PDSS2: variants seen among roughly 807,000 people sequenced by gnomAD.
PDSS2 encodes decaprenyl diphosphate synthase subunit 2, also known as all trans-polyprenyl-diphosphate synthase PDSS2.
In PDSS2, 31 loss-of-function variants were observed where a neutral mutation model predicts 44.5. The ratio of observed to expected loss-of-function variants is 0.70; its 90% CI spans 0.52 to 0.94. The LOEUF (loss-of-function observed/expected upper bound fraction) is 0.94. Ranked by LOEUF, PDSS2 falls within the 40% of genes least tolerant of loss-of-function variation. The probability of loss-of-function intolerance (pLI) is 0.00; values close to 1 mark genes in which losing one functional copy is unlikely to be tolerated. For synonymous variants in PDSS2, 157 were observed against 180.3 expected (o/e 0.87, Z 1.03); for missense variants, 452 against 482.2 (o/e 0.94, Z 0.59).
chr6:107,286,228 C>T (rs1776146085), intron 2 of PDSS2, among the ~76,000 whole-genome samples: 1 of 151,776 alleles, frequency 6.6e-6, no homozygotes, highest in Non-Finnish European at 1.5e-5. Context: ...ATACCATAGG[C>T]TGGGCGCAGT....
intron 2 of PDSS2, among the ~76,000 whole-genome samples, chr6:107,333,256 T>C (rs1021465632): frequency 6.6e-6 from 1 of 152,212 alleles, no homozygotes; most frequent in African/African-American, 2.4e-5. Flanking sequence ...GTTACATCTA[T>C]ACAGGCTTTT....
chr6:107,310,920 T>A (rs1777023405), intron 2 of PDSS2, among the ~76,000 whole-genome samples: 1 of 93,158 alleles, frequency 1.1e-5, no homozygotes, highest in Non-Finnish European at 2.2e-5. Flanking sequence ...AAAAATAAAC[T>A]TTTTTTTTTT....
intron 1 of PDSS2, among the ~76,000 whole-genome samples, chr6:107,368,266 C>CAAA (rs57434839): frequency 3.0e-5 from 2 of 67,462 alleles, no homozygotes; most frequent in African/African-American, 4.3e-5. Context: ...AGACTCGTCT[C>CAAA]AAAAAAAAAA....
chr6:107,204,108 A>C (rs972213557), intron 6 of PDSS2, among the ~76,000 whole-genome samples: 2 of 151,698 alleles, frequency 1.3e-5, no homozygotes, highest in African/African-American at 4.8e-5. Context: ...ACACCCGGCA[A>C]ATTTCTGTAT....
At chr6:107,251,195 T>C (rs1774806101) in intron 3 of PDSS2, among the ~76,000 whole-genome samples, 2 of 152,300 alleles carry the variant, frequency 1.3e-5, no homozygotes, top group South Asian at 2.1e-4. Context: ...TAAGGTAACA[T>C]GGCTCAATTA....
intron 7 of PDSS2, among the ~76,000 whole-genome samples, chr6:107,156,397 T>G (rs7749768): frequency 0.17 from 26,020 of 151,960 alleles, 2,947 homozygotes; most frequent in Non-Finnish European, 0.26. Context: ...GGTTTCACCG[T>G]GTTAGCCAGG....
At chr6:107,420,285 C>T (rs1271785501) in intron 1 of PDSS2, among the ~76,000 whole-genome samples, 1 of 152,200 alleles carries the variant, frequency 6.6e-6, no homozygotes, top group East Asian at 1.9e-4. Flanking sequence ...CTAGCCTCAG[C>T]CAGAACCAGT....
intron 4 of PDSS2, among the ~76,000 whole-genome samples, chr6:107,233,003 G>T (rs1774102705): frequency 1.3e-5 from 2 of 151,988 alleles, no homozygotes; most frequent in Admixed American, 1.3e-4. Flanking sequence ...TCTTTGTTCA[G>T]ACAGAGTCTC....
chr6:107,340,683 A>G (rs571685258), intron 1 of PDSS2, among the ~76,000 whole-genome samples: 1 of 152,354 alleles, frequency 6.6e-6, no homozygotes, highest in East Asian at 1.9e-4. Context: ...TGTCCCTCAC[A>G]GTAGAGGCAG....
rs1417456880 is a variant in PDSS2, at chr6:107,388,475, G to T, written c.297-54143C>A. On this transcript the variant is annotated intron_variant, in intron 1 of 7. Transcript: ENST00000369037. ...TTTTTTTTTTTTTTTTTGAGACGGA[G>T]TCTCGCTCTGTCGCCCAGGCTGGAG... Among the ~76,000 whole-genome samples, 13 of 144,576 alleles carry T rather than the reference G, an allele frequency of 9.0e-5. No individual in the cohort carries two copies. The Admixed American group carries it at 9.1e-4, about 10-fold the overall frequency. The allele number at this position is 144,576 out of a possible 152,430, so 94.8% of individuals were successfully genotyped here.
At chr6:107,178,390 T>A (rs1771866067) in intron 7 of PDSS2, among the ~76,000 whole-genome samples, 2 of 152,218 alleles carry the variant, frequency 1.3e-5, no homozygotes, top group South Asian at 4.1e-4. Flanking sequence ...CTCTACGCTA[T>A]GGTGTTATGG....
chr6:107,428,742 T>C (rs1168995243), intron 1 of PDSS2, among the ~76,000 whole-genome samples: 4 of 151,986 alleles, frequency 2.6e-5, no homozygotes, highest in African/African-American at 9.7e-5. Context: ...GAGGCTGAGG[T>C]GGGAGTATTG....
At position 107,283,436 on chromosome 6, in the gene PDSS2, A is replaced by G. The variant is rs1173381931; in HGVS notation, c.432-9209T>C. 6.6e-5 allele frequency among the ~76,000 whole-genome samples: 10 copies of G among 152,198 alleles called. No homozygotes were observed. In the East Asian group the frequency reaches 1.9e-3, roughly 30 times the overall value. On this transcript the variant is annotated intron_variant, in intron 2 of 7. Coordinates refer to ENST00000369037, the MANE Select transcript of PDSS2 (RefSeq NM_020381.4). ...AAGTTGATGTTAAAATAGGAGAAGA[A>G]TTGTCTGGGCGCGGTGGCTCACGCC...
chr6:107,197,255 G>T (rs1772594246), intron 6 of PDSS2, among the ~76,000 whole-genome samples: 1 of 149,824 alleles, frequency 6.7e-6, no homozygotes, highest in Admixed American at 6.7e-5. Flanking sequence ...GAAGGTGGGG[G>T]TGGGGTAAGG....
chr6:107,337,039 CCACACACACA>C (rs71861456), intron 1 of PDSS2, among the ~76,000 whole-genome samples: 61,956 of 141,438 alleles, frequency 0.44, 14,141 homozygotes, highest in South Asian at 0.63. Context: ...CTTTCACATA[CCACACACACA>C]CACACACACA....
intron 2 of PDSS2, among the ~76,000 whole-genome samples, chr6:107,295,027 G>A (rs1012229755): frequency 6.6e-6 from 1 of 152,106 alleles, no homozygotes. Context: ...CCCCACTGGG[G>A]TTCAAGCGAT....
chr6:107,452,439 C>G lies in PDSS2; in HGVS notation c.296+6551G>C, dbSNP rs376477542. Among the ~76,000 whole-genome samples, 2 of 151,998 alleles carry G rather than the reference C, an allele frequency of 1.3e-5. 1 individual carries two copies. On this transcript the variant is annotated intron_variant, in intron 1 of 7. Coordinates refer to ENST00000369037, the MANE Select transcript of PDSS2 (RefSeq NM_020381.4). Reference sequence around the variant, plus strand: ...TAGAGACAGGGTTTCACCATGTTAGCCAGGCTGGCCTCAAACTCCTAGCCT... The same window carrying G: ...TAGAGACAGGGTTTCACCATGTTAGGCAGGCTGGCCTCAAACTCCTAGCCT...
chr6:107,211,228 T>G (rs997306045), intron 5 of PDSS2, among the ~76,000 whole-genome samples: 1 of 151,714 alleles, frequency 6.6e-6, no homozygotes, highest in Non-Finnish European at 1.5e-5. Flanking sequence ...ATTCCCCCCC[T>G]TATGAACTAT....
chr6:107,291,413 T>C (rs372537007), intron 2 of PDSS2, among the ~76,000 whole-genome samples: 13 of 151,742 alleles, frequency 8.6e-5, no homozygotes, highest in African/African-American at 2.4e-4. Context: ...AGTAGTGTTA[T>C]TGTAGTTCAA....
Sources: allele counts gnomAD v4.1 joint callset (sites outside exome capture counted in the v4.1 genomes callset), GRCh38; gene constraint gnomAD v4.1.1; transcripts MANE v1.5; gene names NCBI Gene and HGNC (gene_info 2026-07-23, HGNC 2026-07-21).